TMEM53: variants seen among roughly 807,000 people sequenced by gnomAD.
TMEM53 encodes transmembrane protein 53, also known as novel DUF829 domain-containing protein.
Under a neutral mutation model 21.4 loss-of-function variants are expected in TMEM53, and 14 were observed. The observed-to-expected ratio is 0.65, with a 90% CI of 0.43 to 1.02. The LOEUF is 1.02. Among genes scored for constraint, TMEM53 ranks in the 50% least tolerant of loss-of-function variants. The pLI, the probability that TMEM53 is intolerant of heterozygous loss-of-function variation, is 0.00. For synonymous variants in TMEM53, 148 were observed against 157.4 expected (o/e 0.94, Z 0.45); for missense variants, 323 against 383.6 (o/e 0.84, Z 1.32).
At chr1:44,668,117 A>C (rs558723677) in intron 1 of TMEM53, among the ~76,000 whole-genome samples, 4 of 152,192 alleles carry the variant, frequency 2.6e-5, no homozygotes, top group Non-Finnish European at 5.9e-5. Flanking sequence ...TGCAAGCCAG[A>C]ATGAAAATAG....
At chr1:44,671,743 A>G (rs568068116) in intron 1 of TMEM53, among the ~76,000 whole-genome samples, 1 of 152,356 alleles carries the variant, frequency 6.6e-6, no homozygotes, top group East Asian at 1.9e-4. Flanking sequence ...AGCCTAACCA[A>G]TATGGTGAAA....
chr1:44,661,640 A>T (rs373702369), intron 1 of TMEM53, among the ~76,000 whole-genome samples: 15 of 152,140 alleles, frequency 9.9e-5, no homozygotes, highest in African/African-American at 3.6e-4. Flanking sequence ...CCCTTATAAC[A>T]ATACTCTAAG....
At chr1:44,673,418 G>A (rs1163663737) in intron 1 of TMEM53, among the ~76,000 whole-genome samples, 2 of 152,238 alleles carry the variant, frequency 1.3e-5, no homozygotes, top group East Asian at 1.9e-4. Context: ...TGAAGGCGAT[G>A]CTGGACTAAT....
chr1:44,665,572 T>C (rs931314607), intron 1 of TMEM53, among the ~76,000 whole-genome samples: 1 of 150,234 alleles, frequency 6.7e-6, no homozygotes, highest in African/African-American at 2.5e-5. Context: ...GAGGCGGAGG[T>C]TGCAGTAAGC....
chr1:44,660,380 C>T (rs1644889945), intron 1 of TMEM53, 85 bp from the exon 2 acceptor site: 2 of 1,514,066 alleles, frequency 1.3e-6, no homozygotes, highest in South Asian at 1.3e-5. Flanking sequence ...AGCACTCCGG[C>T]TGCTGCAGGC....
intron 1 of TMEM53, among the ~76,000 whole-genome samples, chr1:44,661,668 A>G (rs1644903703): frequency 6.6e-6 from 1 of 152,202 alleles, no homozygotes; most frequent in Admixed American, 6.5e-5. Flanking sequence ...CTCTTATTAC[A>G]GATGAAGAAA....
chr1:44,667,965 C>T lies in TMEM53; in HGVS notation c.61+6366G>A, dbSNP rs531703587. The stretch of plus-strand genomic sequence containing the variant: ...ACTGACACAGATAGTGCCAGAATTA[C>T]AAATACGTATATTGTACAACAGTTC... On this transcript the variant is annotated intron_variant, in intron 1 of 2. Transcript: ENST00000372237. Among the ~76,000 whole-genome samples the T allele has an allele frequency of 9.2e-5, 14 of 152,228 alleles. No individual in the cohort carries two copies. In the South Asian group the frequency reaches 2.7e-3, roughly 29 times the overall value.
intron 1 of TMEM53, among the ~76,000 whole-genome samples, chr1:44,665,651 A>C (rs1157434341): frequency 1.3e-5 from 2 of 152,036 alleles, no homozygotes; most frequent in East Asian, 3.9e-4. Context: ...AAAAAAAAAA[A>C]CATGCAATCT....
At chr1:44,672,770 T>TAA (rs35956030) in intron 1 of TMEM53, among the ~76,000 whole-genome samples, 55,182 of 141,642 alleles carry the variant, frequency 0.39, 10,674 homozygotes, top group Middle Eastern at 0.44. Flanking sequence ...CTCCATCTCT[T>TAA]AAAAAAAAAA....
intron 1 of TMEM53, among the ~76,000 whole-genome samples, chr1:44,672,479 A>G (rs1431543462): frequency 1.3e-5 from 2 of 152,210 alleles, no homozygotes; most frequent in African/African-American, 4.8e-5. Flanking sequence ...AGGACACAGC[A>G]AATACTGAAC....
chr1:44,674,194 T>C, intron 1 of TMEM53, 137 bp downstream of exon 1: 1 of 1,393,960 alleles, frequency 7.2e-7, no homozygotes, highest in East Asian at 2.8e-5. Context: ...TCTCTAAGTC[T>C]AGGACCTGCC....
intron 1 of TMEM53, among the ~76,000 whole-genome samples, chr1:44,664,379 G>T (rs892205792): frequency 1.3e-5 from 2 of 151,810 alleles, no homozygotes; most frequent in South Asian, 4.2e-4. Context: ...TGAACCTGGT[G>T]GTGGGGAGGT....
chr1:44,655,867 G>A lies in TMEM53; in HGVS notation c.184-658C>T, dbSNP rs1031672861. 6.6e-6 allele frequency among the ~76,000 whole-genome samples: 1 copy of A among 152,158 alleles called. No homozygotes were observed. Among genetic ancestry groups the A allele is most frequent in the Non-Finnish European group, 1.5e-5 (1 of 68,022 alleles). On this transcript the variant is annotated intron_variant, in intron 2 of 2. Coordinates refer to ENST00000372237, the MANE Select transcript of TMEM53 (RefSeq NM_024587.4). This position sits in a 1 kb window ranked among gnomAD's most constrained non-coding sequence, Gnocchi z 4.4. Reference sequence around the variant, plus strand: ...ACACTCAAATGTCCCTGGTTCCCCGGCCTGGGATCACTCCTCATATCTGCC... The same window carrying A: ...ACACTCAAATGTCCCTGGTTCCCCGACCTGGGATCACTCCTCATATCTGCC...
At chr1:44,663,533 C>A (rs950149623) in intron 1 of TMEM53, among the ~76,000 whole-genome samples, 1 of 152,244 alleles carries the variant, frequency 6.6e-6, no homozygotes, top group Admixed American at 6.5e-5. Flanking sequence ...AGCCACCGCA[C>A]CTGGCCAAAA....
In TMEM53 at chr1:44,660,356, A is replaced by G. The variant is rs895270569; in HGVS notation, c.62-61T>C. 19 of 1,554,702 alleles carry G rather than the reference A, an allele frequency of 1.2e-5. No homozygotes were observed. The African/African-American group carries it at 2.3e-4, about 19-fold the overall frequency. ...GGGGTGGGGGCGGGGGTGACTGCCC[A>G]ATCCAGAGTCAGCAGCACTCCGGCT... On this transcript the variant is annotated intron_variant, in intron 1 of 2. Coordinates refer to ENST00000372237, the MANE Select transcript of TMEM53 (RefSeq NM_024587.4).
At chr1:44,664,896 C>A (rs535276526) in intron 1 of TMEM53, among the ~76,000 whole-genome samples, 1 of 152,160 alleles carries the variant, frequency 6.6e-6, no homozygotes, top group Non-Finnish European at 1.5e-5. Context: ...AGCAGCAGAG[C>A]CAGCGCCCAC....
chr1:44,674,232 AGGGCGGGGCCGCATGAG>A (rs1645056877), intron 1 of TMEM53, 82 bp downstream of exon 1: 5 of 1,480,798 alleles, frequency 3.4e-6, no homozygotes, highest in Middle Eastern at 1.9e-4. Context: ...GGCCCGAGGG[AGGGCGGGGCCGCATGAG>A]GGGCGGGGCT....
chr1:44,670,790 C>G (rs1644992955), intron 1 of TMEM53, among the ~76,000 whole-genome samples: 1 of 152,230 alleles, frequency 6.6e-6, no homozygotes, highest in Non-Finnish European at 1.5e-5. Flanking sequence ...TGTCCCATGA[C>G]CAGGCCCCAG....
In TMEM53 at chr1:44,655,332, A is replaced by C; in HGVS notation, c.184-123T>G. The C allele has an allele frequency of 1.0e-6, 1 of 989,944 alleles. No homozygotes were observed. The highest frequency in any genetic ancestry group is 1.4e-6 in the Non-Finnish European group (1 of 691,462). The allele number at this position is 989,944 out of a possible 1,614,324, so 61.3% of individuals were successfully genotyped here. On this transcript the variant is annotated intron_variant, in intron 2 of 2. Transcript: ENST00000372237. The surrounding 1 kb of genome is among the most constrained non-coding windows in gnomAD (Gnocchi z 4.4). ...AGGCCATGGGGCCCACAGCGTCAGCAATGCTCTGGGTCCTGCTTCAGCCTG... is the reference window on the plus strand; with the variant it reads ...AGGCCATGGGGCCCACAGCGTCAGCCATGCTCTGGGTCCTGCTTCAGCCTG...
Sources: allele counts gnomAD v4.1 joint callset (sites outside exome capture counted in the v4.1 genomes callset), GRCh38; gene constraint gnomAD v4.1.1; non-coding constraint Gnocchi (gnomAD v3.1); transcripts MANE v1.5; gene names NCBI Gene and HGNC (gene_info 2026-07-23, HGNC 2026-07-21).